Variants in MYT1L observed in about 807,000 individuals in gnomAD.
The protein encoded by MYT1L is myelin transcription factor 1 like.
In MYT1L, 12 loss-of-function variants were observed where a neutral mutation model predicts 126.7. That is an observed-to-expected ratio of 0.09 (90% CI 0.06 to 0.15). The LOEUF (loss-of-function observed/expected upper bound fraction) is 0.15, where lower values mean the gene tolerates loss of function less well. Among genes scored for constraint, MYT1L ranks in the 10% least tolerant of loss-of-function variants. The pLI is 1.00. For missense variants in MYT1L, 979 were observed against 1,585.2 expected (o/e 0.62, Z 6.49); for synonymous variants, 541 against 604.2 (o/e 0.90, Z 1.53).
intron 20 of MYT1L, 133 bp from the exon 21 acceptor site, chr2:1,839,503 GAAAA>G (rs959060789): frequency 1.3e-6 from 1 of 749,518 alleles, no homozygotes; most frequent in African/African-American, 1.8e-5. Flanking sequence ...AAAAGGAAAA[GAAAA>G]AAGAGAAAGA....
At chr2:1,948,138 C>T (rs1225870606) in intron 8 of MYT1L, among the ~76,000 whole-genome samples, 1 of 152,136 alleles carries the variant, frequency 6.6e-6, no homozygotes, top group East Asian at 1.9e-4. Flanking sequence ...GTTTCAGTAC[C>T]TTCTAGTCTT....
chr2:2,232,393 C>CTA (rs2094182349), intron 2 of MYT1L, among the ~76,000 whole-genome samples: 1 of 152,246 alleles, frequency 6.6e-6, no homozygotes, highest in Non-Finnish European at 1.5e-5. Context: ...CAGCTGCCAG[C>CTA]TATGGGCTTT....
rs2032697673 is a variant in MYT1L at position 1,793,519 on chromosome 2, C to T, written c.3277-1055G>A. Among the ~76,000 whole-genome samples the T allele has an allele frequency of 6.6e-6, 1 of 152,228 alleles. No homozygotes were observed. Among genetic ancestry groups the T allele is most frequent in the Non-Finnish European group, 1.5e-5 (1 of 68,038 alleles). ...CTCACGAGAGTCTCTCCTCCTCTCC[C>T]TGTCGGCCCTGCCTTCTCCTATGTT... On this transcript the variant is annotated intron_variant, in intron 23 of 24. Coordinates refer to ENST00000647738, the MANE Select transcript of MYT1L (RefSeq NM_001303052.2). The surrounding 1 kb of genome is among the most constrained non-coding windows in gnomAD (Gnocchi z 4.6).
chr2:1,823,511 T>G (rs28496806), intron 21 of MYT1L, among the ~76,000 whole-genome samples: 6 of 151,862 alleles, frequency 4.0e-5, no homozygotes, highest in Middle Eastern at 3.2e-3. Context: ...TCTGAGCAGC[T>G]CCCCCAGGAC....
intron 2 of MYT1L, among the ~76,000 whole-genome samples, chr2:2,233,939 G>A (rs2094220566): frequency 6.6e-6 from 1 of 152,168 alleles, no homozygotes; most frequent in South Asian, 2.1e-4. Flanking sequence ...TCTTCATAAG[G>A]CCATGGCAGG....
intron 2 of MYT1L, among the ~76,000 whole-genome samples, chr2:2,279,918 G>C (rs903672480): frequency 1.3e-5 from 2 of 152,140 alleles, no homozygotes; most frequent in African/African-American, 4.8e-5. Context: ...TAAGAAGCAG[G>C]ACAAGTACAT....
At chr2:2,168,263 G>T (rs925180468) in intron 3 of MYT1L, among the ~76,000 whole-genome samples, 1 of 152,180 alleles carries the variant, frequency 6.6e-6, no homozygotes, top group Non-Finnish European at 1.5e-5. Flanking sequence ...AAGTTTGTGT[G>T]ATGAGGGTGT....
At chr2:2,195,590 G>A (rs1458675175) in intron 2 of MYT1L, among the ~76,000 whole-genome samples, 1 of 152,032 alleles carries the variant, frequency 6.6e-6, no homozygotes, top group Non-Finnish European at 1.5e-5. Flanking sequence ...AACCTCAGGA[G>A]AAAATAACAA....
chr2:1,808,990 A>G (rs1014508291), intron 22 of MYT1L, 86 bp downstream of exon 22: 2 of 1,173,288 alleles, frequency 1.7e-6, no homozygotes, highest in Non-Finnish European at 2.5e-6. Flanking sequence ...AGTGAGCTGT[A>G]ACTGTCAAAG....
chr2:1,995,033 C>G (rs973926786), intron 5 of MYT1L, among the ~76,000 whole-genome samples: 27 of 152,024 alleles, frequency 1.8e-4, no homozygotes, highest in African/African-American at 6.3e-4. Context: ...ATACGTTATT[C>G]CACAGAAAAG....
chr2:2,306,852 A>C (rs2095865836), intron 1 of MYT1L, among the ~76,000 whole-genome samples: 1 of 152,222 alleles, frequency 6.6e-6, no homozygotes, highest in Non-Finnish European at 1.5e-5. Flanking sequence ...TCATAGCCTC[A>C]TAGGGTAGGT....
At chr2:2,180,483 G>A (rs998572937) in intron 2 of MYT1L, among the ~76,000 whole-genome samples, 4 of 152,168 alleles carry the variant, frequency 2.6e-5, no homozygotes, top group Non-Finnish European at 5.9e-5. Flanking sequence ...CGATGTGGGT[G>A]TGTGGAAACT....
chr2:1,997,761 C>T (rs1442049761), intron 4 of MYT1L, among the ~76,000 whole-genome samples: 1 of 152,214 alleles, frequency 6.6e-6, no homozygotes, highest in African/African-American at 2.4e-5. Flanking sequence ...GAGCTCCACA[C>T]CAGGATTCGT....
At chr2:2,296,020 C>A (rs191300149) in intron 1 of MYT1L, among the ~76,000 whole-genome samples, 1 of 152,110 alleles carries the variant, frequency 6.6e-6, no homozygotes, top group African/African-American at 2.4e-5. Context: ...CAAATACATA[C>A]AATCAAGCAA....
intron 21 of MYT1L, among the ~76,000 whole-genome samples, chr2:1,812,687 C>G (rs1353386907): frequency 6.6e-6 from 1 of 152,014 alleles, no homozygotes; most frequent in African/African-American, 2.4e-5. Flanking sequence ...ACCAGCCTGG[C>G]CAACATGGTG....
chr2:2,134,230 T>A (rs1431591447), intron 3 of MYT1L, among the ~76,000 whole-genome samples: 1 of 152,140 alleles, frequency 6.6e-6, no homozygotes, highest in East Asian at 1.9e-4. Flanking sequence ...TCAGGTTCAT[T>A]GTTTCTTACA....
In MYT1L at chr2:1,876,630, G is replaced by A. The variant is rs11888792; in HGVS notation, c.2711+9909C>T. On this transcript the variant is annotated intron_variant, in intron 18 of 24. Coordinates refer to ENST00000647738, the MANE Select transcript of MYT1L (RefSeq NM_001303052.2). Reference sequence around the variant, plus strand: ...TGAGTCCCCGCAGCTGACCCTATGCGTGCCGCCATTGAAACCTCAGCACCT... The same window carrying A: ...TGAGTCCCCGCAGCTGACCCTATGCATGCCGCCATTGAAACCTCAGCACCT... Among the ~76,000 whole-genome samples the A allele has an allele frequency of 6.8e-3, 1,042 of 152,158 alleles. 7 individuals carry two copies. Among genetic ancestry groups the A allele is most frequent in the African/African-American group, 0.023 (975 of 41,528 alleles).
intron 21 of MYT1L, among the ~76,000 whole-genome samples, chr2:1,838,570 G>A (rs571052226): frequency 2.6e-5 from 4 of 152,154 alleles, no homozygotes; most frequent in South Asian, 4.2e-4. Flanking sequence ...CCTTGGAGAC[G>A]GGTCCCATCC....
intron 4 of MYT1L, among the ~76,000 whole-genome samples, chr2:2,050,811 G>A (rs926048685): frequency 1.3e-5 from 2 of 151,978 alleles, no homozygotes; most frequent in Non-Finnish European, 2.9e-5. Context: ...TGGTGCTAAG[G>A]GCCTTTCCAT....
Sources: allele counts gnomAD v4.1 joint callset (sites outside exome capture counted in the v4.1 genomes callset), GRCh38; gene constraint gnomAD v4.1.1; non-coding constraint Gnocchi (gnomAD v3.1); transcripts MANE v1.5; gene names NCBI Gene and HGNC (gene_info 2026-07-23, HGNC 2026-07-21).